Variants in FAM161A observed in about 807,000 individuals in gnomAD.
FAM161A encodes the protein protein FAM161A.
A neutral mutation model predicts 70.9 loss-of-function variants in FAM161A; 57 were observed. The observed-to-expected ratio is 0.80, with a 90% CI of 0.65 to 1.00. The LOEUF (loss-of-function observed/expected upper bound fraction) is 1.00, where lower values mean the gene tolerates loss of function less well. Among genes scored for constraint, FAM161A ranks in the 50% least tolerant of loss-of-function variants. FAM161A has a pLI of 0.00. For synonymous variants in FAM161A, 299 were observed against 295.7 expected (o/e 1.01, Z -0.12); for missense variants, 880 against 836.0 (o/e 1.05, Z -0.65).
chr2:61,813,728 AAAAAAAAG>A, the FAM161A span, among the ~76,000 whole-genome samples: 1 of 150,890 alleles, frequency 6.6e-6, no homozygotes, highest in African/African-American at 2.4e-5. Context: ...CAAAAAAAAA[AAAAAAAAG>A]AAAAAAGAAA....
chr2:61,827,142 G>A lies in FAM161A; in HGVS notation c.1968C>T (p.Asn656=), dbSNP rs1672397052. ...GQSGKVLEYF[N]NQETKSVTED... is the part of the protein sequence containing the mutation. The stretch of plus-strand genomic sequence containing the variant: ...CAGTGACACTTTTCGTCTCTTGATT[G>A]TTGAAGTACTCAAGTACTTTTCCAC... The change falls in exon 6 of 7, where the codon AAC becomes AAT. Residue 656 remains asparagine (N), a synonymous_variant. Coordinates refer to ENST00000404929, the MANE Select transcript of FAM161A (RefSeq NM_001201543.2). 2 of 1,613,686 alleles carry A rather than the reference G, an allele frequency of 1.2e-6. No homozygotes were observed. Among genetic ancestry groups the A allele is most frequent in the Admixed American group, 1.7e-5 (1 of 59,980 alleles).
At chr2:61,840,901 C>T (rs1672999367) in intron 2 of FAM161A, among the ~76,000 whole-genome samples, 1 of 152,212 alleles carries the variant, frequency 6.6e-6, no homozygotes, top group Admixed American at 6.5e-5. Flanking sequence ...CTGCCTGCCT[C>T]CGCCTCCCAA....
chr2:61,838,938 C>T (rs969321326), intron 3 of FAM161A, among the ~76,000 whole-genome samples: 2 of 149,968 alleles, frequency 1.3e-5, no homozygotes, highest in South Asian at 4.2e-4. Context: ...GCTGGAGTGC[C>T]ATGGCGTGAT....
At position 61,840,147 on chromosome 2, in the gene FAM161A, G is replaced by A; in HGVS notation, c.857C>T (p.Pro286Leu). The change falls in exon 3 of 7, where the codon CCA becomes CTA. Residue 286 changes from proline (P) to leucine (L), a missense_variant. By Grantham distance (98) the Pro-to-Leu change is moderately conservative (BLOSUM62 -3). Coordinates refer to ENST00000404929, the MANE Select transcript of FAM161A (RefSeq NM_001201543.2). ...GGGGAGAAAGACAGATGCAGGAACT[G>A]GATTGGCTCGGAATTTCTTCTTATA... ...PEYKKKFRAN[P>L]VPASVFLPLY... The A allele has an allele frequency of 1.2e-6, 2 of 1,614,122 alleles. No homozygotes were observed. Among genetic ancestry groups the A allele is most frequent in the South Asian group, 2.2e-5 (2 of 91,086 alleles).
chr2:61,833,075 G>C (rs948713419), intron 5 of FAM161A, among the ~76,000 whole-genome samples: 1 of 151,970 alleles, frequency 6.6e-6, no homozygotes. Context: ...GAGGGAAGGT[G>C]GGGGGAGGAC....
chr2:61,814,662 C>G, the FAM161A span, among the ~76,000 whole-genome samples: 4 of 152,104 alleles, frequency 2.6e-5, no homozygotes, highest in African/African-American at 9.7e-5. Flanking sequence ...CTGCAGTGAG[C>G]CATGATTGCA....
At chr2:61,837,224 A>T (rs1672806841) in intron 4 of FAM161A, among the ~76,000 whole-genome samples, 1 of 152,134 alleles carries the variant, frequency 6.6e-6, no homozygotes, top group Admixed American at 6.6e-5. Context: ...GGCAAAGTTA[A>T]TTCAATGGGA....
At chr2:61,807,887 T>G in the FAM161A span, among the ~76,000 whole-genome samples, 1 of 152,186 alleles carries the variant, frequency 6.6e-6, no homozygotes, top group African/African-American at 2.4e-5. Context: ...ATAAACCTCC[T>G]GCCTTGGCCT....
the FAM161A span, among the ~76,000 whole-genome samples, chr2:61,807,560 G>T: frequency 6.6e-6 from 1 of 150,672 alleles, no homozygotes; most frequent in African/African-American, 2.4e-5. Context: ...TCCCAAAATA[G>T]GCTCTGCAAA....
Position 61,838,671 on chromosome 2 carries a change from C to G in FAM161A, c.1618G>C (p.Glu540Gln), listed in dbSNP as rs1672865401. The G allele has an allele frequency of 1.2e-6, 2 of 1,608,768 alleles. No individual in the cohort carries two copies. Among genetic ancestry groups the G allele is most frequent in the South Asian group, 1.1e-5 (1 of 90,238 alleles). ...SLEEKKMLEEERNRILTKQKQ... is the reference protein window; with the variant it reads ...SLEEKKMLEEQRNRILTKQKQ... ...TGTTTAGTTAGGATCCGATTTCTCT[C>G]TTCTTCCAACATTTTCTTTTCCTCA... is the stretch of plus-strand genomic sequence containing the variant. Residue 540 changes from glutamate (E) to glutamine (Q), a missense_variant, in exon 4 of 7, where the codon GAG becomes CAG. By Grantham distance (29) the Glu-to-Gln change is conservative. Coordinates refer to ENST00000404929, the MANE Select transcript of FAM161A (RefSeq NM_001201543.2).
intron 1 of FAM161A, among the ~76,000 whole-genome samples, chr2:61,845,375 A>G (rs1012283998): frequency 7.2e-5 from 11 of 152,254 alleles, no homozygotes; most frequent in East Asian, 1.9e-4. Flanking sequence ...CTCTCACCCA[A>G]TGCTTTCACC....
rs769748061 is a variant in FAM161A at position 61,840,259 on chromosome 2, G to C, written c.745C>G (p.Gln249Glu). Residue 249 changes from glutamine to glutamate, a missense_variant, in exon 3 of 7, where the codon CAG (glutamine) becomes GAG (glutamate). Transcript: ENST00000404929. ...PEPFQMMIRE[Q>E]KKKEESMKSK... ...TTCATGGACTCTTCTTTTTTCTTCT[G>C]TTCTCTTATCATCATTTGAAAAGGC... 28 of 1,613,668 alleles carry C rather than the reference G, an allele frequency of 1.7e-5. No homozygotes were observed. In the South Asian group the frequency reaches 3.1e-4, roughly 18 times the overall value.
chr2:61,807,294 G>C, the FAM161A span, among the ~76,000 whole-genome samples: 1 of 150,416 alleles, frequency 6.6e-6, no homozygotes, highest in African/African-American at 2.4e-5. Context: ...CAAATAAAGA[G>C]GCAGAAAAAA....
chr2:61,846,149 G>A (rs1673205997), intron 1 of FAM161A, among the ~76,000 whole-genome samples: 1 of 151,010 alleles, frequency 6.6e-6, no homozygotes, highest in Admixed American at 6.6e-5. Flanking sequence ...AGTGTTTATG[G>A]GAAAGAAGGG....
At chr2:61,831,783 A>C (rs1672584706) in intron 5 of FAM161A, among the ~76,000 whole-genome samples, 1 of 152,180 alleles carries the variant, frequency 6.6e-6, no homozygotes, top group African/African-American at 2.4e-5. Flanking sequence ...ACCTCTCAAA[A>C]AACATTATAA....
the FAM161A span, among the ~76,000 whole-genome samples, chr2:61,815,743 G>T: frequency 6.6e-6 from 1 of 151,684 alleles, no homozygotes; most frequent in African/African-American, 2.4e-5. Context: ...TAGAGACTGG[G>T]TTTCACCAGG....
At chr2:61,803,558 G>A in the FAM161A span, among the ~76,000 whole-genome samples, 1 of 152,256 alleles carries the variant, frequency 6.6e-6, no homozygotes, top group Non-Finnish European at 1.5e-5. Context: ...GCTTACGCCT[G>A]TAATCCCAGC....
At chr2:61,842,591 T>C (rs1054806715) in intron 1 of FAM161A, among the ~76,000 whole-genome samples, 1 of 152,242 alleles carries the variant, frequency 6.6e-6, no homozygotes, top group Admixed American at 6.5e-5. Context: ...ATAAATGTTA[T>C]TTAATCCATT....
chr2:61,801,338 A>G, the FAM161A span, among the ~76,000 whole-genome samples: 1 of 151,530 alleles, frequency 6.6e-6, no homozygotes, highest in African/African-American at 2.4e-5. Context: ...TCTACTAAAA[A>G]TGCAAAAAAT....
Sources: allele counts gnomAD v4.1 joint callset (sites outside exome capture counted in the v4.1 genomes callset), GRCh38; gene constraint gnomAD v4.1.1; transcripts MANE v1.5; gene names NCBI Gene and HGNC (gene_info 2026-07-23, HGNC 2026-07-21).